The following GRM7 variants were observed in gnomAD, a reference collection of about 807,000 sequenced individuals.
The protein encoded by GRM7 is glutamate metabotropic receptor 7, also known as metabotropic glutamate receptor 7.
Under a neutral mutation model 84.5 loss-of-function variants are expected in GRM7, and 35 were observed. That is an observed-to-expected ratio of 0.41 (90% CI 0.32 to 0.55). The LOEUF (loss-of-function observed/expected upper bound fraction) is 0.55, where lower values mean the gene tolerates loss of function less well. GRM7 is among the 20% of genes least tolerant of loss of function. GRM7 has a pLI of 0.19. For missense variants in GRM7, 1,003 were observed against 1,194.6 expected (o/e 0.84, Z 2.36); for synonymous variants, 487 against 455.1 (o/e 1.07, Z -0.89).
intron 7 of GRM7, among the ~76,000 whole-genome samples, chr3:7,573,523 C>G (rs2125048417): frequency 6.6e-6 from 1 of 152,290 alleles, no homozygotes; most frequent in East Asian, 1.9e-4. Flanking sequence ...ACAATTCTAT[C>G]TCTTTGGTTT....
intron 8 of GRM7, among the ~76,000 whole-genome samples, chr3:7,665,125 G>A (rs1347949041): frequency 3.3e-5 from 5 of 150,930 alleles, no homozygotes; most frequent in Non-Finnish European, 5.9e-5. Context: ...TAAGGGAATT[G>A]GACACAGTTT....
chr3:7,542,750 G>A (rs377633736), intron 7 of GRM7, among the ~76,000 whole-genome samples: 2 of 151,988 alleles, frequency 1.3e-5, no homozygotes, highest in African/African-American at 4.8e-5. Context: ...TTTTCACCAC[G>A]TTGGCCAGGA....
At chr3:7,649,316 G>T (rs528761115) in intron 8 of GRM7, among the ~76,000 whole-genome samples, 2 of 152,038 alleles carry the variant, frequency 1.3e-5, no homozygotes, top group African/African-American at 4.8e-5. Context: ...TGATCCTCCT[G>T]CCTCGGCCTC....
intron 1 of GRM7, among the ~76,000 whole-genome samples, chr3:7,066,754 C>G (rs1346331090): frequency 6.6e-6 from 1 of 151,922 alleles, no homozygotes; most frequent in East Asian, 1.9e-4. Flanking sequence ...CCTCAGTGAG[C>G]ACAGATGCTA....
At chr3:7,154,011 G>A (rs1270086183) in intron 2 of GRM7, among the ~76,000 whole-genome samples, 1 of 152,168 alleles carries the variant, frequency 6.6e-6, no homozygotes, top group Admixed American at 6.5e-5. Context: ...GAAGAGAGAA[G>A]CATGTTAAAA....
At chr3:7,110,145 T>C (rs1692794248) in intron 1 of GRM7, among the ~76,000 whole-genome samples, 1 of 152,034 alleles carries the variant, frequency 6.6e-6, no homozygotes, top group Non-Finnish European at 1.5e-5. Context: ...CTATGGAAAA[T>C]CATTTAATAG....
rs749758227 is a variant in GRM7, at chr3:6,861,859, G to A, written c.471G>A (p.Ser157=). 1 of 1,613,910 alleles carries A rather than the reference G, an allele frequency of 6.2e-7. No individual in the cohort carries two copies. Among genetic ancestry groups the A allele is most frequent in the Non-Finnish European group, 8.5e-7 (1 of 1,179,920 alleles). ...PEKVVGVIGA[S]GSSVSIMVAN... The stretch of plus-strand genomic sequence containing the variant: ...AAGTAGTTGGAGTGATTGGGGCTTC[G>A]GGGAGTTCGGTCTCCATCATGGTAG... The change falls in exon 1 of 10, where the codon TCG becomes TCA. Residue 157 remains serine (S), a synonymous_variant. Transcript: ENST00000357716. This position sits in a 1 kb window ranked among gnomAD's most constrained non-coding sequence, Gnocchi z 6.4.
In GRM7 at chr3:7,706,372, T is replaced by G. The variant is rs188873342; in HGVS notation, c.2698+26077T>G. Among the ~76,000 whole-genome samples, 474 of 152,276 alleles carry G rather than the reference T, an allele frequency of 3.1e-3. 7 individuals carry two copies. Among genetic ancestry groups the G allele is most frequent in the Middle Eastern group, 0.02 (6 of 294 alleles). ...TATGCAGAATGTTGTAGTTTGTATG[T>G]GTGTGAAGAATTTAGGCAAGCTGCA... is the stretch of plus-strand genomic sequence containing the variant. On this transcript the variant is annotated intron_variant, in intron 9 of 9. Coordinates refer to ENST00000357716, the MANE Select transcript of GRM7 (RefSeq NM_000844.4).
chr3:7,657,680 G>A (rs756130626), intron 8 of GRM7, among the ~76,000 whole-genome samples: 6 of 152,114 alleles, frequency 3.9e-5, no homozygotes, highest in East Asian at 1.9e-4. Flanking sequence ...CGAATCACAC[G>A]TTTTTGGAGA....
At chr3:7,402,728 A>G (rs1479069338) in intron 4 of GRM7, among the ~76,000 whole-genome samples, 5 of 151,706 alleles carry the variant, frequency 3.3e-5, no homozygotes, top group Non-Finnish European at 2.9e-5. Flanking sequence ...CTTTTGATTT[A>G]TATTTTCATA....
Position 7,558,098 on chromosome 3 carries a change from T to C in GRM7, c.1516-20324T>C, listed in dbSNP as rs563281382. ...CTTTTGGATAACTTGTTTGCAAGGA[T>C]GTAAAGGAAGCTAATTTTCCATGAT... On this transcript the variant is annotated intron_variant, in intron 7 of 9. Coordinates refer to ENST00000357716, the MANE Select transcript of GRM7 (RefSeq NM_000844.4). Among the ~76,000 whole-genome samples, 40 of 141,356 alleles carry C rather than the reference T, an allele frequency of 2.8e-4. 1 individual carries two copies. Among genetic ancestry groups the C allele is most frequent in the Non-Finnish European group, 5.9e-4 (37 of 62,216 alleles). The allele number at this position is 141,356 out of a possible 152,430, so 92.7% of individuals were successfully genotyped here. A position where few individuals can be genotyped will look rare whatever the true frequency, so the allele number is the denominator to read the frequency against.
intron 8 of GRM7, among the ~76,000 whole-genome samples, chr3:7,674,252 C>T (rs913700287): frequency 5.3e-5 from 8 of 151,378 alleles, no homozygotes; most frequent in South Asian, 2.1e-4. Flanking sequence ...AATACAGTGA[C>T]GCGATCTTGG....
chr3:7,212,231 T>G (rs1047268431), intron 2 of GRM7, among the ~76,000 whole-genome samples: 1 of 151,590 alleles, frequency 6.6e-6, no homozygotes, highest in Non-Finnish European at 1.5e-5. Context: ...TGGACTGAGC[T>G]TTAGATCCAG....
intron 2 of GRM7, among the ~76,000 whole-genome samples, chr3:7,260,884 C>G (rs1193021506): frequency 6.6e-6 from 1 of 152,162 alleles, no homozygotes; most frequent in Admixed American, 6.5e-5. Context: ...TTAATACTAC[C>G]TTAGCTGTGT....
chr3:7,015,389 T>C (rs977873461), intron 1 of GRM7, among the ~76,000 whole-genome samples: 1 of 152,038 alleles, frequency 6.6e-6, no homozygotes, highest in African/African-American at 2.4e-5. Context: ...AATGTGAGAG[T>C]GAATGAGTAA....
intron 1 of GRM7, among the ~76,000 whole-genome samples, chr3:7,124,966 TCTCA>T (rs1693348186): frequency 6.6e-6 from 1 of 152,018 alleles, no homozygotes; most frequent in Non-Finnish European, 1.5e-5. Context: ...TGAGGCAGAG[TCTCA>T]CTCTGTCGCC....
intron 1 of GRM7, among the ~76,000 whole-genome samples, chr3:7,093,491 A>G (rs1318944858): frequency 2.0e-5 from 3 of 151,718 alleles, no homozygotes; most frequent in Non-Finnish European, 4.4e-5. Flanking sequence ...CAGCCTGTCC[A>G]ATATGGTGAA....
intron 9 of GRM7, chr3:7,690,964 C>T (rs1299986673): frequency 6.3e-6 from 2 of 317,154 alleles, no homozygotes; most frequent in East Asian, 1.7e-4. Flanking sequence ...TGTGAATGAG[C>T]ATCTTCCCAA....
At position 7,316,613 on chromosome 3, in the gene GRM7, A is replaced by T. The variant is rs75152447; in HGVS notation, c.1033+9961A>T. Reference sequence around the variant, plus strand: ...AGGTTTTTTACTTGCATAACTAGAGAGATGGAATTATGATCAGCTGAGATG... The same window carrying T: ...AGGTTTTTTACTTGCATAACTAGAGTGATGGAATTATGATCAGCTGAGATG... On this transcript the variant is annotated intron_variant, in intron 4 of 9. Transcript: ENST00000357716. Among the ~76,000 whole-genome samples, 864 of 152,278 alleles carry T rather than the reference A, an allele frequency of 5.7e-3. 9 individuals carry two copies. The highest frequency in any genetic ancestry group is 0.019 in the African/African-American group (803 of 41,562).
Sources: gnomAD v4.1 joint callset for allele counts (sites outside exome capture counted in the v4.1 genomes callset) on GRCh38, gnomAD v4.1.1 for gene constraint, Gnocchi (gnomAD v3.1) non-coding constraint, MANE v1.5 for transcripts, NCBI Gene and HGNC (gene_info 2026-07-23, HGNC 2026-07-21) for gene names.